Variants in KCNK12 observed in about 807,000 individuals in gnomAD.
KCNK12 encodes potassium channel subfamily K member 12.
In KCNK12, 6 loss-of-function variants were observed where a neutral mutation model predicts 25.3. That is an observed-to-expected ratio of 0.24 (90% confidence interval 0.13 to 0.47). The LOEUF (loss-of-function observed/expected upper bound fraction) is 0.47, where lower values mean the gene tolerates loss of function less well. Among genes scored for constraint, KCNK12 ranks in the 20% least tolerant of loss-of-function variants. The probability of loss-of-function intolerance (pLI) is 0.99; values close to 1 mark genes in which losing one functional copy is unlikely to be tolerated. For synonymous variants in KCNK12, 331 were observed against 311.1 expected (o/e 1.06, Z -0.67); for missense variants, 444 against 661.7 (o/e 0.67, Z 3.61).
chr2:47,570,515 T>G lies in KCNK12; in HGVS notation c.-184A>C. 2 of 514,900 alleles carry G rather than the reference T, an allele frequency of 3.9e-6. No homozygotes were observed. Among genetic ancestry groups the G allele is most frequent in the Non-Finnish European group, 2.8e-6 (1 of 351,818 alleles). 31.9% of individuals were successfully genotyped at this position (514,900 alleles called of 1,614,324 possible). On this transcript the variant is annotated 5_prime_UTR_variant, in exon 1 of 2. Transcript: ENST00000327876. ...CGGACAGAGGGGCGCCTCCGCCTCC[T>G]CCCCGGCGCTCAGGCCACACGCGAG... is the stretch of plus-strand genomic sequence containing the variant.
intron 1 of KCNK12, among the ~76,000 whole-genome samples, chr2:47,559,123 G>C (rs904079960): frequency 6.6e-6 from 1 of 152,238 alleles, no homozygotes; most frequent in Non-Finnish European, 1.5e-5. Flanking sequence ...CAAGGGCTGA[G>C]GCTTAGAATT....
chr2:47,535,237 G>C (rs940946082), intron 1 of KCNK12: 17 of 233,080 alleles, frequency 7.3e-5, no homozygotes, highest in African/African-American at 3.5e-4. Flanking sequence ...CAGCCAGGGA[G>C]GTGCTCTAGA....
In KCNK12 at chr2:47,509,833, C is replaced by CA. The variant is rs922038829; in HGVS notation, c.*11073dup. On this transcript the variant is annotated 3_prime_UTR_variant, in exon 2 of 2. Transcript: ENST00000327876. ...GTGTAAGGCCAGGGGACTTCCCCCC[C>CA]ACTCCCCAACCTGAGGCATGCACCC... 7.2e-5 allele frequency among the ~76,000 whole-genome samples: 11 copies of CA among 152,340 alleles called. No homozygotes were observed. Among genetic ancestry groups the CA allele is most frequent in the Non-Finnish European group, 1.5e-4 (10 of 68,042 alleles).
chr2:47,536,807 C>A (rs746786571), intron 1 of KCNK12, among the ~76,000 whole-genome samples: 1 of 152,148 alleles, frequency 6.6e-6, no homozygotes. Context: ...TGCCAAAGAG[C>A]GGAAGTACTT....
chr2:47,564,071 C>T (rs949539274), intron 1 of KCNK12: 3 of 231,462 alleles, frequency 1.3e-5, no homozygotes, highest in Middle Eastern at 1.3e-3. Context: ...AAGCTGCTCT[C>T]ATTAAAACAA....
At chr2:47,522,193 AT>A (rs1008169707) in intron 1 of KCNK12, among the ~76,000 whole-genome samples, 3 of 151,920 alleles carry the variant, frequency 2.0e-5, no homozygotes, top group African/African-American at 7.3e-5. Flanking sequence ...ACTCCTCCAA[AT>A]TTTTTTTTAA....
In KCNK12 at chr2:47,521,714, G is replaced by A. The variant is rs1163007462; in HGVS notation, c.486C>T (p.Asn162=). Residue 162 remains asparagine, a synonymous_variant, in exon 2 of 2, where the codon AAC becomes AAT. Coordinates refer to ENST00000327876, the MANE Select transcript of KCNK12 (RefSeq NM_022055.2). ...FGCAGTILFF[N]LFLERIISLL... is the part of the protein sequence containing the mutation. Reference sequence around the variant, plus strand: ...GCGAGATGATGCGCTCCAGGAAGAGGTTGAAGAACAGGATGGTCCCAGCGC... The same window carrying A: ...GCGAGATGATGCGCTCCAGGAAGAGATTGAAGAACAGGATGGTCCCAGCGC... 6.2e-7 allele frequency: 1 copy of A among 1,600,086 alleles called. No homozygotes were observed. Among genetic ancestry groups the A allele is most frequent in the Non-Finnish European group, 8.5e-7 (1 of 1,175,320 alleles).
rs999412376 is a variant in KCNK12, at chr2:47,561,492, G to A, written c.391+8449C>T. Among the ~76,000 whole-genome samples the A allele has an allele frequency of 8.5e-4, 130 of 152,212 alleles. 1 individual carries two copies. Among genetic ancestry groups the A allele is most frequent in the Non-Finnish European group, 9.1e-4 (62 of 68,042 alleles). On this transcript the variant is annotated intron_variant, in intron 1 of 1. Transcript: ENST00000327876. ...AGAGTGCAGCAGGTGCCACACAGCA[G>A]GGGGGCTGAGGCCCAGAGGACTGGA...
chr2:47,553,905 A>G (rs577226999), intron 1 of KCNK12, among the ~76,000 whole-genome samples: 5 of 152,226 alleles, frequency 3.3e-5, no homozygotes, highest in Non-Finnish European at 7.3e-5. Context: ...ACTGGAAAGA[A>G]CAAAAGATCT....
chr2:47,512,914 C>T lies in KCNK12; in HGVS notation c.*7993G>A, dbSNP rs1411047436. 1 of 155,368 alleles carries T rather than the reference C, an allele frequency of 6.4e-6. No individual in the cohort carries two copies. The allele number at this position is 155,368 out of a possible 1,614,324, so 9.6% of individuals were successfully genotyped here. ...TCCCACTGCAGCTGCATAATGTCCC[C>T]TCAGTGGCCTGAACATGAGATGAAC... On this transcript the variant is annotated 3_prime_UTR_variant, in exon 2 of 2. Coordinates refer to ENST00000327876, the MANE Select transcript of KCNK12 (RefSeq NM_022055.2).
At chr2:47,536,707 G>T (rs1349236538) in intron 1 of KCNK12, among the ~76,000 whole-genome samples, 1 of 152,200 alleles carries the variant, frequency 6.6e-6, no homozygotes, top group Non-Finnish European at 1.5e-5. Context: ...GGGTATCAAA[G>T]AGGGCTAATT....
At position 47,517,360 on chromosome 2, in the gene KCNK12, A is replaced by G. The variant is rs920035685; in HGVS notation, c.*3547T>C. The G allele has an allele frequency of 1.3e-5, 2 of 151,834 alleles. No individual in the cohort carries two copies. Among genetic ancestry groups the G allele is most frequent in the Non-Finnish European group, 2.9e-5 (2 of 67,968 alleles). 9.4% of individuals were successfully genotyped at this position (151,834 alleles called of 1,614,324 possible). On this transcript the variant is annotated 3_prime_UTR_variant, in exon 2 of 2. Transcript: ENST00000327876. The surrounding 1 kb of genome is among the most constrained non-coding windows in gnomAD (Gnocchi z 4.1). ...AGGATCCTGGGTCAATTTAGCAGCT[A>G]TTTTCCAGGGTTTGGCTTGGGTTTG...
intron 1 of KCNK12, among the ~76,000 whole-genome samples, chr2:47,545,914 CTT>C (rs541242406): frequency 1.4e-5 from 2 of 145,056 alleles, no homozygotes; most frequent in African/African-American, 5.0e-5. Flanking sequence ...CACTTAACTT[CTT>C]TTTTTTTTTT....
At position 47,512,356 on chromosome 2, in the gene KCNK12, A is replaced by G. The variant is rs1330435033; in HGVS notation, c.*8551T>C. ...AGTGCCTCATTTTGCTGACATGGAA[A>G]AGGAAACTTCGTGGGGGAAAGAGAT... On this transcript the variant is annotated 3_prime_UTR_variant, in exon 2 of 2. Transcript: ENST00000327876. The G allele has an allele frequency of 5.6e-6, 9 of 1,612,456 alleles. No individual in the cohort carries two copies. The highest frequency in any genetic ancestry group is 7.6e-6 in the Non-Finnish European group (9 of 1,179,792).
chr2:47,512,461 GT>G lies in KCNK12; in HGVS notation c.*8445del. On this transcript the variant is annotated 3_prime_UTR_variant, in exon 2 of 2. Transcript: ENST00000327876. ...CTGGTGTCTGTTGCCTTCTGGTTAA[GT>G]TTTTCATTTGTAATTCTACAAACAT... 1 of 1,563,094 alleles carries G rather than the reference GT, an allele frequency of 6.4e-7. No homozygotes were observed. The highest frequency in any genetic ancestry group is 8.7e-7 in the Non-Finnish European group (1 of 1,155,180).
chr2:47,537,007 T>G (rs1039087329), intron 1 of KCNK12, among the ~76,000 whole-genome samples: 1 of 152,194 alleles, frequency 6.6e-6, no homozygotes, highest in African/African-American at 2.4e-5. Context: ...GGTCTTGTTT[T>G]TCTCTCACTC....
rs1478503999 is a variant in KCNK12 at position 47,562,023 on chromosome 2, C to G, written c.391+7918G>C. The G allele has an allele frequency of 1.3e-5, 5 of 398,486 alleles. No homozygotes were observed. The highest frequency in any genetic ancestry group is 4.4e-6 in the Non-Finnish European group (1 of 226,092). The allele number at this position is 398,486 out of a possible 1,614,324, so 24.7% of individuals were successfully genotyped here. On this transcript the variant is annotated intron_variant, in intron 1 of 1. Transcript: ENST00000327876. This position sits in a 1 kb window ranked among gnomAD's most constrained non-coding sequence, Gnocchi z 4.8. ...ATATGTCCTGCCTAAAGCCACGCAGCCAGTTAGTGGCAGAGCCAGGTCTAG... is the reference window on the plus strand; with the variant it reads ...ATATGTCCTGCCTAAAGCCACGCAGGCAGTTAGTGGCAGAGCCAGGTCTAG...
At position 47,555,909 on chromosome 2, in the gene KCNK12, T is replaced by C. The variant is rs1669541340; in HGVS notation, c.391+14032A>G. 1 of 152,178 alleles carries C rather than the reference T, an allele frequency of 6.6e-6. No individual in the cohort carries two copies. Among genetic ancestry groups the C allele is most frequent in the Non-Finnish European group, 1.5e-5 (1 of 68,058 alleles). The allele number at this position is 152,178 out of a possible 1,614,324, so 9.4% of individuals were successfully genotyped here. On this transcript the variant is annotated intron_variant, in intron 1 of 1. Transcript: ENST00000327876. This position sits in a 1 kb window ranked among gnomAD's most constrained non-coding sequence, Gnocchi z 4.5. ...GAGAAAAGAGGAGTTTGAGGATAAA[T>C]GGTCAGCCATGTCAAATGTTGCTGA...
In KCNK12 at chr2:47,520,887, G is replaced by A. The variant is rs746427702; in HGVS notation, c.*20C>T. On this transcript the variant is annotated 3_prime_UTR_variant, in exon 2 of 2. Coordinates refer to ENST00000327876, the MANE Select transcript of KCNK12 (RefSeq NM_022055.2). This position sits in a 1 kb window ranked among gnomAD's most constrained non-coding sequence, Gnocchi z 5.0. Reference sequence around the variant, plus strand: ...GCCCCGCGGCCTGGAGAGGGTCCCCGGCGCGGGCGGACGGGCGGTCTACCT... The same window carrying A: ...GCCCCGCGGCCTGGAGAGGGTCCCCAGCGCGGGCGGACGGGCGGTCTACCT... 9 of 1,240,680 alleles carry A rather than the reference G, an allele frequency of 7.3e-6. No homozygotes were observed. Among genetic ancestry groups the A allele is most frequent in the Non-Finnish European group, 9.1e-6 (9 of 992,012 alleles). The allele number at this position is 1,240,680 out of a possible 1,614,324, so 76.9% of individuals were successfully genotyped here. A position where few individuals can be genotyped will look rare whatever the true frequency, so the allele number is the denominator to read the frequency against.
Sources: gnomAD v4.1 joint callset for allele counts (sites outside exome capture counted in the v4.1 genomes callset) on GRCh38, gnomAD v4.1.1 for gene constraint, Gnocchi (gnomAD v3.1) non-coding constraint, MANE v1.5 for transcripts, NCBI Gene and HGNC (gene_info 2026-07-23, HGNC 2026-07-21) for gene names.